SP6: variants seen among roughly 807,000 people sequenced by gnomAD.
SP6 encodes the protein Sp6 transcription factor, also known as transcription factor Sp6.
SP6 carries 10 observed loss-of-function variants against 23.4 expected under a neutral mutation model. That is an observed-to-expected ratio of 0.43 (90% CI 0.26 to 0.72). The LOEUF (loss-of-function observed/expected upper bound fraction) is 0.72. Ranked by LOEUF, SP6 falls within the 30% of genes least tolerant of loss-of-function variation. The pLI is 0.23. For missense variants in SP6, 482 were observed against 523.8 expected (o/e 0.92, Z 0.78); for synonymous variants, 238 against 238.7 (o/e 1.00, Z 0.03).
chr17:47,869,345 G>A, the SP6 span, among the ~76,000 whole-genome samples: 1 of 152,224 alleles, frequency 6.6e-6, no homozygotes, highest in Non-Finnish European at 1.5e-5. Context: ...TCTGGGACCA[G>A]CGATCTTAGC....
At chr17:47,856,276 C>T (rs76234194), upstream of SP6, among the ~76,000 whole-genome samples, 3,609 of 152,272 alleles carry the variant, frequency 0.024, 44 homozygotes, top group Non-Finnish European at 0.035. Context: ...ACTTGGATCC[C>T]CCAAGAGGAC....
the SP6 span, among the ~76,000 whole-genome samples, chr17:47,870,063 G>A: frequency 2.2e-4 from 34 of 152,322 alleles, no homozygotes; most frequent in African/African-American, 7.7e-4. Context: ...TGGACTGTGT[G>A]TGTGTAGGGG....
rs73985413 is a variant in SP6, at chr17:47,848,633, C to T, written c.-57-147G>A. 0.017 allele frequency: 8,807 copies of T among 527,726 alleles called. 95 individuals are homozygous for T. Among genetic ancestry groups the T allele is most frequent in the Non-Finnish European group, 0.02 (5,985 of 297,582 alleles). The allele number at this position is 527,726 out of a possible 1,614,324, so 32.7% of individuals were successfully genotyped here. ...GATGAGTTTAGAGAATTCGGGAGTG[C>T]GAGGAAGGGTCCAAGATGTGAGGTT... On this transcript the variant is annotated intron_variant, in intron 1 of 1. Transcript: ENST00000536300. The surrounding 1 kb of genome is among the most constrained non-coding windows in gnomAD (Gnocchi z 5.3).
At chr17:47,855,584 C>T (rs1669495744), upstream of SP6, 1 of 152,270 alleles carries the variant, frequency 6.6e-6, no homozygotes, top group Non-Finnish European at 1.5e-5. Context: ...CTATGACCCC[C>T]ACTTTAGAGT....
the SP6 span, among the ~76,000 whole-genome samples, chr17:47,860,988 GA>G: frequency 6.6e-6 from 1 of 152,348 alleles, no homozygotes; most frequent in East Asian, 1.9e-4. Context: ...AGGATCCCAC[GA>G]GAGGGGAATT....
rs1355294026 is a variant in SP6 at position 47,847,662 on chromosome 17, G to A, written c.768C>T (p.Cys256=). ...AGGCTTTCCCGCAGCCCGGGATGTG[G>A]CAGTTGTGCAAATGCTTCTTCTTGC... The part of the protein sequence containing the change: ...DGGKKKHLHN[C]HIPGCGKAYA... Residue 256 remains cysteine (C), a synonymous_variant, in exon 2 of 2, where the codon TGC becomes TGT. Transcript: ENST00000536300. The A allele has an allele frequency of 1.9e-6, 3 of 1,612,614 alleles. No homozygotes were observed. The highest frequency in any genetic ancestry group is 2.5e-6 in the Non-Finnish European group (3 of 1,179,574).
chr17:47,852,445 AG>A (rs1326720343), upstream of SP6, among the ~76,000 whole-genome samples: 3 of 152,058 alleles, frequency 2.0e-5, no homozygotes, highest in African/African-American at 4.8e-5. Context: ...AGGGGAATGC[AG>A]ATTAATTTCC....
Position 47,848,238 on chromosome 17 carries a change from C to A in SP6, c.192G>T (p.Ser64=), listed in dbSNP as rs1421886900. The change falls in exon 2 of 2, where the codon TCG becomes TCT. Residue 64 remains serine (S), a synonymous_variant. Coordinates refer to ENST00000536300, the MANE Select transcript of SP6 (RefSeq NM_001258248.2). The surrounding 1 kb of genome is among the most constrained non-coding windows in gnomAD (Gnocchi z 5.3). ...AGGCCCCTGGCAGCTCATAGCCCTG[C>A]GAGAAGTCCACCTCCGGGCCCAGCG... ...SLPLGPEVDF[S]QGYELPGASS... The A allele has an allele frequency of 5.0e-6, 8 of 1,611,888 alleles. No individual in the cohort carries two copies. The highest frequency in any genetic ancestry group is 2.5e-6 in the Non-Finnish European group (3 of 1,179,032).
chr17:47,863,770 G>T, the SP6 span, among the ~76,000 whole-genome samples: 1 of 119,426 alleles, frequency 8.4e-6, no homozygotes, highest in Admixed American at 1.0e-4. Flanking sequence ...ATGGAGTCTC[G>T]CTCTGTCGCC....
In SP6 at chr17:47,847,354, G is replaced by A; in HGVS notation, c.1076C>T (p.Pro359Leu). The stretch of plus-strand genomic sequence containing the variant: ...CTCGCGTTTGCCTTTGCCCCCGGGG[G>A]GCTCCACTGCGCCGCCGGCCTTGCC... ...GEGKAGGAVEPPGGKGKREAE... is the reference protein window; with the variant it reads ...GEGKAGGAVELPGGKGKREAE... Residue 359 changes from proline to leucine, a missense_variant, in exon 2 of 2, where the codon CCC (proline) becomes CTC (leucine). Coordinates refer to ENST00000536300, the MANE Select transcript of SP6 (RefSeq NM_001258248.2). 8 of 1,603,478 alleles carry A rather than the reference G, an allele frequency of 5.0e-6. No homozygotes were observed. Among genetic ancestry groups the A allele is most frequent in the Non-Finnish European group, 6.8e-6 (8 of 1,175,226 alleles).
the SP6 span, among the ~76,000 whole-genome samples, chr17:47,870,644 C>T: frequency 6.6e-6 from 1 of 152,106 alleles, no homozygotes; most frequent in East Asian, 1.9e-4. Flanking sequence ...TGGGTTTTCA[C>T]TGCAAAGAAC....
At chr17:47,873,869 TTCC>T in the SP6 span, among the ~76,000 whole-genome samples, 1 of 138,052 alleles carries the variant, frequency 7.2e-6, no homozygotes, top group Non-Finnish European at 1.6e-5. Context: ...CCTCTTCTTC[TTCC>T]TCCTCCCCCT....
upstream of SP6, among the ~76,000 whole-genome samples, chr17:47,852,828 C>T (rs1349582529): frequency 6.6e-6 from 1 of 152,154 alleles, no homozygotes; most frequent in Non-Finnish European, 1.5e-5. Context: ...CCTGGGTACA[C>T]ATTGGTAGGG....
the SP6 span, among the ~76,000 whole-genome samples, chr17:47,874,064 C>T: frequency 3.3e-5 from 5 of 150,354 alleles, no homozygotes; most frequent in African/African-American, 7.4e-5. Flanking sequence ...TCTCCTTCCT[C>T]CCTCCTCCTT....
At chr17:47,875,030 G>A in the SP6 span, among the ~76,000 whole-genome samples, 5 of 152,056 alleles carry the variant, frequency 3.3e-5, no homozygotes, top group Admixed American at 6.5e-5. Flanking sequence ...CCCCTTTTCC[G>A]GGCCCCTGCC....
rs1294709379 is a variant in SP6, at chr17:47,851,025, A to T, written c.-164T>A. The T allele has an allele frequency of 6.6e-6, 1 of 152,444 alleles. No homozygotes were observed. Among genetic ancestry groups the T allele is most frequent in the Non-Finnish European group, 1.5e-5 (1 of 68,292 alleles). The allele number at this position is 152,444 out of a possible 1,614,324, so 9.4% of individuals were successfully genotyped here. A position where few individuals can be genotyped will look rare whatever the true frequency, so the allele number is the denominator to read the frequency against. ...CTCCAGCGGTAAGGGGCAGGAGCCC[A>T]GGGCGAGCCAGACCCGGCGGCTGGC... On this transcript the variant is annotated 5_prime_UTR_variant, in exon 1 of 2. Coordinates refer to ENST00000536300, the MANE Select transcript of SP6 (RefSeq NM_001258248.2).
chr17:47,873,967 CCTCT>C, the SP6 span, among the ~76,000 whole-genome samples: 5 of 150,570 alleles, frequency 3.3e-5, no homozygotes, highest in Non-Finnish European at 3.0e-5. Context: ...CTCCTCCTTT[CCTCT>C]CTTTCTTCTT....
the SP6 span, among the ~76,000 whole-genome samples, chr17:47,868,212 A>C: frequency 6.6e-6 from 1 of 152,080 alleles, no homozygotes; most frequent in Non-Finnish European, 1.5e-5. Flanking sequence ...GATCCCCTTC[A>C]CCCAAGTGGT....
chr17:47,870,213 A>G, the SP6 span, among the ~76,000 whole-genome samples: 1 of 152,148 alleles, frequency 6.6e-6, no homozygotes, highest in Non-Finnish European at 1.5e-5. Flanking sequence ...AAGGGAACCA[A>G]TGAGATAACT....
Sources: gnomAD v4.1 joint callset for allele counts (sites outside exome capture counted in the v4.1 genomes callset) on GRCh38, gnomAD v4.1.1 for gene constraint, Gnocchi (gnomAD v3.1) non-coding constraint, MANE v1.5 for transcripts, NCBI Gene and HGNC (gene_info 2026-07-23, HGNC 2026-07-21) for gene names.